Variants in TLR4 observed in about 807,000 individuals in gnomAD.
TLR4 encodes toll-like receptor 4.
In TLR4, 17 loss-of-function variants were observed where a neutral mutation model predicts 27.4. The observed-to-expected ratio is 0.62, with a 90% CI of 0.42 to 0.93. The LOEUF (loss-of-function observed/expected upper bound fraction) is 0.93. TLR4 is among the 40% of genes least tolerant of loss of function. TLR4 has a pLI of 0.00. For missense variants in TLR4, 926 were observed against 962.3 expected, an observed-to-expected ratio of 0.96 and a Z score of 0.50; for synonymous variants, 363 against 365.7, an observed-to-expected ratio of 0.99 and a Z score of 0.08.
Position 117,718,346 on chromosome 9 carries a change from C to T in TLR4, c.*3698C>T, listed in dbSNP as rs1829383043. The T allele has an allele frequency of 6.6e-6, 1 of 152,128 alleles. No homozygotes were observed. The highest frequency in any genetic ancestry group is 1.5e-5 in the Non-Finnish European group (1 of 68,024). The allele number at this position is 152,128 out of a possible 1,614,324, so 9.4% of individuals were successfully genotyped here. A position where few individuals can be genotyped will look rare whatever the true frequency, so the allele number is the denominator to read the frequency against. On this transcript the variant is annotated 3_prime_UTR_variant, in exon 3 of 3. Coordinates refer to ENST00000355622, the MANE Select transcript of TLR4 (RefSeq NM_138554.5). The stretch of plus-strand genomic sequence containing the variant: ...GGGTTTCTCAGTTGAAGCCATGAAT[C>T]ATTAAGCCAATACATATGCATATAT...
rs199755109 is a variant in TLR4, at chr9:117,716,492, A to G, written c.*1844A>G. 1 of 152,226 alleles carries G rather than the reference A, an allele frequency of 6.6e-6. No homozygotes were observed. Among genetic ancestry groups the G allele is most frequent in the Non-Finnish European group, 1.5e-5 (1 of 68,026 alleles). 9.4% of individuals were successfully genotyped at this position (152,226 alleles called of 1,614,324 possible). ...AGACAAATACTGCCTGATTTCATTT[A>G]TATGAGGTTCTAAAATAGTCAAACT... On this transcript the variant is annotated 3_prime_UTR_variant, in exon 3 of 3. Transcript: ENST00000355622.
At chr9:117,708,343 G>A in intron 1 of TLR4, 1 of 1,363,256 alleles carries the variant, frequency 7.3e-7, no homozygotes, top group African/African-American at 1.5e-5. Flanking sequence ...CACGTAGTAG[G>A]TGCTCTTTAC....
chr9:117,712,683 C>T lies in TLR4; in HGVS notation c.555C>T (p.Asn185=). 6.2e-7 allele frequency: 1 copy of T among 1,614,082 alleles called. No homozygotes were observed. The highest frequency in any genetic ancestry group is 2.2e-5 in the East Asian group (1 of 44,860). The part of the protein sequence containing the change: ...TNLEHLDLSS[N]KIQSIYCTDL... ...TAGAGCACTTGGACCTTTCCAGCAA[C>T]AAGATTCAAAGTATTTATTGCACAG... The change falls in exon 3 of 3, where the codon AAC becomes AAT. Residue 185 remains asparagine (N), a synonymous_variant. Coordinates refer to ENST00000355622, the MANE Select transcript of TLR4 (RefSeq NM_138554.5).
Position 117,707,357 on chromosome 9 carries a change from A to C in TLR4, c.94-1206A>C, listed in dbSNP as rs150463064. ...AATGCTTATTTGAAGATTAAGTGAAAGTATATAACAAACAAGAACTATGCA... is the reference window on the plus strand; with the variant it reads ...AATGCTTATTTGAAGATTAAGTGAACGTATATAACAAACAAGAACTATGCA... On this transcript the variant is annotated intron_variant, in intron 1 of 2. Transcript: ENST00000355622. Among the ~76,000 whole-genome samples, 462 of 152,340 alleles carry C rather than the reference A, an allele frequency of 3.0e-3. 11 individuals carry two copies. Among genetic ancestry groups the C allele is most frequent in the Admixed American group, 0.027 (407 of 15,294 alleles).
chr9:117,711,354 C>T (rs1174522237), intron 2 of TLR4, among the ~76,000 whole-genome samples: 1 of 152,196 alleles, frequency 6.6e-6, no homozygotes, highest in Non-Finnish European at 1.5e-5. Flanking sequence ...CTGACAAGCA[C>T]CTGCAATGCT....
intron 1 of TLR4, 75 bp downstream of exon 1, chr9:117,704,640 G>A (rs1473650512): frequency 1.7e-6 from 2 of 1,149,280 alleles, no homozygotes; most frequent in African/African-American, 3.3e-5. Flanking sequence ...GCCCTGGTTT[G>A]TTTATTTTTG....
rs1175831034 is a variant in TLR4, at chr9:117,718,008, T to C, written c.*3360T>C. 1 of 152,320 alleles carries C rather than the reference T, an allele frequency of 6.6e-6. No homozygotes were observed. Among genetic ancestry groups the C allele is most frequent in the South Asian group, 2.1e-4 (1 of 4,824 alleles). The allele number at this position is 152,320 out of a possible 1,614,324, so 9.4% of individuals were successfully genotyped here. On this transcript the variant is annotated 3_prime_UTR_variant, in exon 3 of 3. Transcript: ENST00000355622. ...TGGAATAAGGATAAATTAATGCCAA[T>C]TGTAATGCCTTAAATTTGTGTGATA...
chr9:117,714,539 G>A lies in TLR4; in HGVS notation c.2411G>A (p.Arg804Gln), dbSNP rs149989546. 2,092 of 1,613,866 alleles carry A rather than the reference G, an allele frequency of 1.3e-3. 2 individuals carry two copies. The highest frequency in any genetic ancestry group is 1.6e-3 in the Non-Finnish European group (1,881 of 1,179,990). Residue 804 changes from arginine (R) to glutamine (Q), a missense_variant, in exon 3 of 3, where the codon CGG becomes CAG. Transcript: ENST00000355622. ...GAGTGGGAGGACAGTGTCCTGGGGC[G>A]GCACATCTTCTGGAGACGACTCAGA... ...YLEWEDSVLG[R>Q]HIFWRRLRKA... is the part of the protein sequence containing the mutation.
At chr9:117,705,057 G>A (rs773433901) in intron 1 of TLR4, among the ~76,000 whole-genome samples, 15 of 152,002 alleles carry the variant, frequency 9.9e-5, no homozygotes, top group Non-Finnish European at 2.1e-4. Context: ...GTGGGTGTCA[G>A]ACTTCTGTAT....
At position 117,722,927 on chromosome 9, in the gene TLR4, T is replaced by C. The variant is rs1829438041; in HGVS notation, c.*8279T>C. On this transcript the variant is annotated 3_prime_UTR_variant, in exon 3 of 3. Coordinates refer to ENST00000355622, the MANE Select transcript of TLR4 (RefSeq NM_138554.5). ...GAATCAATTATCTCTTTAAAATATA[T>C]TTAAGTTTAAAATGTGGGCCAACTT... 6.6e-6 allele frequency: 1 copy of C among 152,178 alleles called. No individual in the cohort carries two copies. The highest frequency in any genetic ancestry group is 6.5e-5 in the Admixed American group (1 of 15,270). 9.4% of individuals were successfully genotyped at this position (152,178 alleles called of 1,614,324 possible). A position where few individuals can be genotyped will look rare whatever the true frequency, so the allele number is the denominator to read the frequency against.
At chr9:117,710,526 G>T (rs1332535609) in intron 2 of TLR4, among the ~76,000 whole-genome samples, 18 of 151,016 alleles carry the variant, frequency 1.2e-4, no homozygotes, top group African/African-American at 4.4e-4. Context: ...CAATCCACTG[G>T]ATACCCAATA....
rs1829349740 is a variant in TLR4 at position 117,716,460 on chromosome 9, A to T, written c.*1812A>T. On this transcript the variant is annotated 3_prime_UTR_variant, in exon 3 of 3. Coordinates refer to ENST00000355622, the MANE Select transcript of TLR4 (RefSeq NM_138554.5). ...ATTATGCTATGTAAAATGAGCAAGT[A>T]ACAGAAAGACAAATACTGCCTGATT... The T allele has an allele frequency of 1.3e-5, 2 of 152,238 alleles. No individual in the cohort carries two copies. The highest frequency in any genetic ancestry group is 4.8e-5 in the African/African-American group (2 of 41,472). 9.4% of individuals were successfully genotyped at this position (152,238 alleles called of 1,614,324 possible).
chr9:117,704,646 T>A, intron 1 of TLR4, 81 bp downstream of exon 1: 1 of 1,194,256 alleles, frequency 8.4e-7, no homozygotes, highest in Non-Finnish European at 1.2e-6. Flanking sequence ...GTTTGTTTAT[T>A]TTTGCAAAAA....
rs11536876 is a variant in TLR4, at chr9:117,709,042, A to G, written c.260+313A>G. On this transcript the variant is annotated intron_variant, in intron 2 of 2. Transcript: ENST00000355622. ...AGCAGCTATTTATTGACTACTTGCT[A>G]TATGTTGTACACTCTGCAAGAAGAC... is the stretch of plus-strand genomic sequence containing the variant. The G allele has an allele frequency of 6.4e-3, 2,229 of 350,356 alleles. 44 individuals carry two copies. Among genetic ancestry groups the G allele is most frequent in the African/African-American group, 0.043 (2,025 of 47,242 alleles). The allele number at this position is 350,356 out of a possible 1,614,324, so 21.7% of individuals were successfully genotyped here. A position where few individuals can be genotyped will look rare whatever the true frequency, so the allele number is the denominator to read the frequency against.
rs1303333994 is a variant in TLR4, at chr9:117,714,836, T to C, written c.*188T>C. ...AGTGCAGAGGGAATAAATGCTAGAC[T>C]AAAATACAGAGTCTTCCAGGTGGGC... On this transcript the variant is annotated 3_prime_UTR_variant, in exon 3 of 3. Transcript: ENST00000355622. 1 of 630,348 alleles carries C rather than the reference T, an allele frequency of 1.6e-6. No individual in the cohort carries two copies. The highest frequency in any genetic ancestry group is 2.8e-5 in the East Asian group (1 of 36,196). 39.0% of individuals were successfully genotyped at this position (630,348 alleles called of 1,614,324 possible).
intron 2 of TLR4, among the ~76,000 whole-genome samples, chr9:117,711,106 AG>A: frequency 6.6e-6 from 1 of 152,198 alleles, no homozygotes; most frequent in South Asian, 2.1e-4. Flanking sequence ...GAGGTACTCA[AG>A]ATCACACAGT....
At chr9:117,708,441 A>G in intron 1 of TLR4, 122 bp from the exon 2 acceptor site, 1 of 1,581,878 alleles carries the variant, frequency 6.3e-7, no homozygotes, top group Admixed American at 1.7e-5. Context: ...CAGATGGATG[A>G]AAGGTTGACT....
In TLR4 at chr9:117,715,494, G is replaced by A. The variant is rs988075595; in HGVS notation, c.*846G>A. On this transcript the variant is annotated 3_prime_UTR_variant, in exon 3 of 3. Coordinates refer to ENST00000355622, the MANE Select transcript of TLR4 (RefSeq NM_138554.5). ...GCAGCATTGAAATAATTTGTTTAAA[G>A]GGGGCACTCTTTTAAACGGGAAGAA... The A allele has an allele frequency of 6.6e-6, 1 of 152,118 alleles. No individual in the cohort carries two copies. Among genetic ancestry groups the A allele is most frequent in the African/African-American group, 2.4e-5 (1 of 41,422 alleles). The allele number at this position is 152,118 out of a possible 1,614,324, so 9.4% of individuals were successfully genotyped here.
chr9:117,707,768 G>A (rs1409925914), intron 1 of TLR4, among the ~76,000 whole-genome samples: 2 of 152,180 alleles, frequency 1.3e-5, no homozygotes, highest in Admixed American at 6.5e-5. Flanking sequence ...AAGGGTCAAT[G>A]AGCCAAGAAA....
Sources: allele counts gnomAD v4.1 joint callset (sites outside exome capture counted in the v4.1 genomes callset), GRCh38; gene constraint gnomAD v4.1.1; transcripts MANE v1.5; gene names NCBI Gene and HGNC (gene_info 2026-07-23, HGNC 2026-07-21).